Variants in KCND2 observed in about 807,000 individuals in gnomAD.
The protein encoded by KCND2 is potassium voltage-gated channel subfamily D member 2.
A neutral mutation model predicts 54.4 loss-of-function variants in KCND2; 16 were observed. That is an observed-to-expected ratio of 0.29 (90% confidence interval 0.20 to 0.45). The LOEUF (loss-of-function observed/expected upper bound fraction) is 0.45. Among genes scored for constraint, KCND2 ranks in the 20% least tolerant of loss-of-function variants. The probability of loss-of-function intolerance (pLI) is 1.00; values close to 1 mark genes in which losing one functional copy is unlikely to be tolerated. For missense variants in KCND2, 486 were observed against 824.2 expected, an observed-to-expected ratio of 0.59 and a Z score of 5.02; for synonymous variants, 317 against 310.7, an observed-to-expected ratio of 1.02 and a Z score of -0.21.
intron 1 of KCND2, among the ~76,000 whole-genome samples, chr7:120,600,830 ATGTT>A (rs1383983520): frequency 5.9e-5 from 9 of 152,072 alleles, no homozygotes; most frequent in Non-Finnish European, 8.8e-5. Flanking sequence ...ATATCAATGA[ATGTT>A]TGTTAACTGA....
intron 1 of KCND2, among the ~76,000 whole-genome samples, chr7:120,328,787 T>C (rs1427194572): frequency 6.6e-6 from 1 of 152,174 alleles, no homozygotes; most frequent in Non-Finnish European, 1.5e-5. Context: ...AAATGTACAT[T>C]AGAAATTGTC....
intron 1 of KCND2, among the ~76,000 whole-genome samples, chr7:120,717,047 G>A (rs1361952139): frequency 6.6e-6 from 1 of 152,022 alleles, no homozygotes; most frequent in Non-Finnish European, 1.5e-5. Flanking sequence ...AGCAAACATG[G>A]TTTTTCTCCC....
At chr7:120,639,776 A>G (rs112171111) in intron 1 of KCND2, among the ~76,000 whole-genome samples, 20 of 152,266 alleles carry the variant, frequency 1.3e-4, no homozygotes, top group African/African-American at 4.8e-4. Flanking sequence ...GTGGGTAATT[A>G]TTCTGTGCCA....
intron 1 of KCND2, among the ~76,000 whole-genome samples, chr7:120,352,928 G>C (rs1317452409): frequency 6.6e-6 from 1 of 151,908 alleles, no homozygotes; most frequent in African/African-American, 2.4e-5. Context: ...TCATATTCTA[G>C]GAGTGAGAAA....
chr7:120,562,996 T>C (rs1792253977), intron 1 of KCND2, among the ~76,000 whole-genome samples: 1 of 152,212 alleles, frequency 6.6e-6, no homozygotes. Context: ...AATGCTTCAA[T>C]CTATCTGCAA....
intron 1 of KCND2, among the ~76,000 whole-genome samples, chr7:120,484,701 G>A (rs966508362): frequency 2.9e-4 from 40 of 137,632 alleles, no homozygotes; most frequent in African/African-American, 7.6e-4. Context: ...TATATTACAC[G>A]CACACACACA....
chr7:120,712,875 G>A (rs961128043), intron 1 of KCND2, among the ~76,000 whole-genome samples: 4 of 152,100 alleles, frequency 2.6e-5, no homozygotes, highest in Non-Finnish European at 5.9e-5. Context: ...GCCTGGGTAC[G>A]ATTTAAGCTC....
chr7:120,337,559 T>C (rs1342166206), intron 1 of KCND2, among the ~76,000 whole-genome samples: 1 of 152,156 alleles, frequency 6.6e-6, no homozygotes, highest in Non-Finnish European at 1.5e-5. Context: ...AACCAGGAGA[T>C]TGTAATAGAC....
At chr7:120,722,547 A>G (rs1032112515) in intron 1 of KCND2, among the ~76,000 whole-genome samples, 6 of 152,212 alleles carry the variant, frequency 3.9e-5, no homozygotes, top group African/African-American at 1.2e-4. Context: ...TAAGGAGTAG[A>G]TAAATAGGTG....
At chr7:120,368,314 A>C (rs1800716148) in intron 1 of KCND2, among the ~76,000 whole-genome samples, 1 of 151,978 alleles carries the variant, frequency 6.6e-6, no homozygotes, top group African/African-American at 2.4e-5. Context: ...TTTATTTTTA[A>C]TGTAAGTTTC....
At chr7:120,662,307 C>T (rs1791875830) in intron 1 of KCND2, among the ~76,000 whole-genome samples, 1 of 152,110 alleles carries the variant, frequency 6.6e-6, no homozygotes, top group East Asian at 1.9e-4. Flanking sequence ...ATAATCTTCT[C>T]CTAAATGCCT....
At chr7:120,298,339 A>G (rs1799539893) in intron 1 of KCND2, among the ~76,000 whole-genome samples, 1 of 152,222 alleles carries the variant, frequency 6.6e-6, no homozygotes, top group African/African-American at 2.4e-5. Context: ...TTACTGTGTT[A>G]TGATGGTATT....
At chr7:120,462,220 T>C (rs920057558) in intron 1 of KCND2, among the ~76,000 whole-genome samples, 5 of 151,992 alleles carry the variant, frequency 3.3e-5, no homozygotes, top group Non-Finnish European at 7.4e-5. Flanking sequence ...TTTGTTTTTT[T>C]TTTGGTATGC....
intron 1 of KCND2, among the ~76,000 whole-genome samples, chr7:120,689,894 C>T (rs1792248712): frequency 6.6e-6 from 1 of 152,190 alleles, no homozygotes; most frequent in African/African-American, 2.4e-5. Flanking sequence ...TCATTCCTCT[C>T]TATCAGTATT....
chr7:120,685,592 C>T (rs1792190533), intron 1 of KCND2, among the ~76,000 whole-genome samples: 3 of 152,150 alleles, frequency 2.0e-5, no homozygotes, highest in Non-Finnish European at 4.4e-5. Flanking sequence ...AGCTATTTGT[C>T]ACTGTGGAGT....
intron 1 of KCND2, among the ~76,000 whole-genome samples, chr7:120,607,597 G>A (rs1792897472): frequency 6.6e-6 from 1 of 152,072 alleles, no homozygotes; most frequent in South Asian, 2.1e-4. Context: ...CTTTTAGGTA[G>A]ATTCAAAATT....
At chr7:120,625,999 A>G (rs886323878) in intron 1 of KCND2, among the ~76,000 whole-genome samples, 5 of 152,090 alleles carry the variant, frequency 3.3e-5, no homozygotes, top group African/African-American at 1.2e-4. Flanking sequence ...TAAATTTTGG[A>G]ACATTTTACA....
chr7:120,409,316 A>G (rs1285093130), intron 1 of KCND2, among the ~76,000 whole-genome samples: 1 of 151,988 alleles, frequency 6.6e-6, no homozygotes, highest in Non-Finnish European at 1.5e-5. Context: ...TTATCAATTT[A>G]CTAGCTGATG....
At chr7:120,664,508 A>G (rs1039904005) in intron 1 of KCND2, among the ~76,000 whole-genome samples, 1 of 152,042 alleles carries the variant, frequency 6.6e-6, no homozygotes, top group Non-Finnish European at 1.5e-5. Flanking sequence ...GGAAAAGAGA[A>G]TGGGAGAAAG....
Sources: allele counts gnomAD v4.1 joint callset (sites outside exome capture counted in the v4.1 genomes callset), GRCh38; gene constraint gnomAD v4.1.1; transcripts MANE v1.5; gene names NCBI Gene and HGNC (gene_info 2026-07-23, HGNC 2026-07-21).